TRIP12: variants seen among roughly 807,000 people sequenced by gnomAD.
The protein encoded by TRIP12 is E3 ubiquitin-protein ligase TRIP12.
Under a neutral mutation model 244.2 loss-of-function variants are expected in TRIP12, and 25 were observed. The observed-to-expected ratio is 0.10, with a 90% CI of 0.07 to 0.14. The LOEUF is 0.14. TRIP12 is among the 10% of genes least tolerant of loss of function. TRIP12 has a pLI of 1.00. For missense variants in TRIP12, 1,677 were observed against 2,486.4 expected (o/e 0.67, Z 6.92); for synonymous variants, 905 against 873.1 (o/e 1.04, Z -0.64).
intron 1 of TRIP12, among the ~76,000 whole-genome samples, chr2:229,920,743 T>C (rs2076361991): frequency 1.3e-5 from 2 of 151,984 alleles, no homozygotes; most frequent in South Asian, 4.1e-4. Context: ...TTTTTATGTT[T>C]TTCCGCATTT....
chr2:229,899,265 A>G (rs1487783990), intron 1 of TRIP12, among the ~76,000 whole-genome samples: 1 of 152,210 alleles, frequency 6.6e-6, no homozygotes, highest in Non-Finnish European at 1.5e-5. Flanking sequence ...TCACTTTTTC[A>G]GCCACAGGGA....
intron 6 of TRIP12, among the ~76,000 whole-genome samples, chr2:229,834,473 T>C (rs888711555): frequency 9.2e-5 from 14 of 152,190 alleles, no homozygotes; most frequent in East Asian, 3.9e-4. Context: ...TACGAATGCA[T>C]AGCAGACCAG....
chr2:229,912,033 A>G (rs1002540814), intron 1 of TRIP12, among the ~76,000 whole-genome samples: 8 of 152,240 alleles, frequency 5.3e-5, no homozygotes, highest in African/African-American at 1.9e-4. Flanking sequence ...ATCAAAAAGT[A>G]TTTTGAATTA....
chr2:229,774,379 C>A (rs2035551156), intron 37 of TRIP12, 118 bp from the exon 38 acceptor site: 1 of 968,806 alleles, frequency 1.0e-6, no homozygotes, highest in Non-Finnish European at 1.5e-6. Flanking sequence ...ATGGGTTCAA[C>A]TCTTAGCCTC....
At chr2:229,777,580 A>C (rs764027169) in intron 36 of TRIP12, 101 bp from the exon 37 acceptor site, 18 of 1,182,280 alleles carry the variant, frequency 1.5e-5, no homozygotes, top group Non-Finnish European at 2.2e-5. Context: ...TAATAGGTCA[A>C]GTAATCCCCA....
At position 229,778,937 on chromosome 2, in the gene TRIP12, T is replaced by C. The variant is rs1230477971; in HGVS notation, c.5148A>G (p.Glu1716=). ...AAAGACCCAAGTCAGCTCTCTGTAG[T>C]TCCTGAGATACAAGCGCATAAAACT... is the stretch of plus-strand genomic sequence containing the variant. ...TLEFYALVSQ[E]LQRADLGLWR... Residue 1716 remains glutamate, a synonymous_variant, in exon 35 of 42, where the codon GAA becomes GAG. Transcript: ENST00000675903. The surrounding 1 kb of genome is among the most constrained non-coding windows in gnomAD (Gnocchi z 4.1). 1.2e-6 allele frequency: 2 copies of C among 1,613,808 alleles called. No homozygotes were observed. The highest frequency in any genetic ancestry group is 3.3e-5 in the Admixed American group (2 of 59,998).
chr2:229,860,884 C>G (rs552952671), intron 2 of TRIP12, among the ~76,000 whole-genome samples: 1 of 152,078 alleles, frequency 6.6e-6, no homozygotes, highest in South Asian at 2.1e-4. Flanking sequence ...GACTTTAGAT[C>G]TAAACACACT....
chr2:229,789,703 C>G lies in TRIP12; in HGVS notation c.4603G>C (p.Glu1535Gln). 6.2e-7 allele frequency: 1 copy of G among 1,614,048 alleles called. No individual in the cohort carries two copies. The highest frequency in any genetic ancestry group is 1.7e-5 in the Admixed American group (1 of 60,012). ...LEVYLIPTPP[E>Q]NITFEDPSLD... ...GACGGGTCTTCAAATGTTATATTTT[C>G]AGGTGGTGTGGGAATGAGGTAAACT... The change falls in exon 31 of 42, where the codon GAA becomes CAA. Residue 1535 changes from glutamate (E) to glutamine (Q), a missense_variant. By Grantham distance (29) the Glu-to-Gln change is conservative (BLOSUM62 2). Coordinates refer to ENST00000675903, the MANE Select transcript of TRIP12 (RefSeq NM_001348323.3).
At chr2:229,797,570 G>T in intron 24 of TRIP12, 120 bp downstream of exon 24, 1 of 1,251,656 alleles carries the variant, frequency 8.0e-7, no homozygotes, top group Non-Finnish European at 1.1e-6. Context: ...TGTATATAAG[G>T]TAAAAGTCGA....
intron 1 of TRIP12, among the ~76,000 whole-genome samples, chr2:229,917,779 T>G (rs942184703): frequency 2.0e-5 from 3 of 152,112 alleles, no homozygotes. Flanking sequence ...TAACTTCAAA[T>G]CTCTGGGTTC....
intron 1 of TRIP12, among the ~76,000 whole-genome samples, chr2:229,894,890 T>G (rs2068369500): frequency 1.3e-5 from 2 of 152,204 alleles, no homozygotes; most frequent in Non-Finnish European, 2.9e-5. Context: ...AGAACCATAC[T>G]TTGGGTAGCA....
rs889558426 is a variant in TRIP12, at chr2:229,766,535, C to A, written c.*1019G>T. On this transcript the variant is annotated 3_prime_UTR_variant, in exon 42 of 42. Coordinates refer to ENST00000675903, the MANE Select transcript of TRIP12 (RefSeq NM_001348323.3). ...GCTGAACTGTTTTGTCCCAAGTCAG[C>A]ACTGGGAGAAGGGGAAGAGGAGCGT... The A allele has an allele frequency of 1.3e-5, 2 of 152,026 alleles. No individual in the cohort carries two copies. Among genetic ancestry groups the A allele is most frequent in the African/African-American group, 4.8e-5 (2 of 41,386 alleles). The allele number at this position is 152,026 out of a possible 1,614,324, so 9.4% of individuals were successfully genotyped here. A position where few individuals can be genotyped will look rare whatever the true frequency, so the allele number is the denominator to read the frequency against.
At chr2:229,867,171 G>GTTTTTTTTTT (rs11335613) in intron 2 of TRIP12, among the ~76,000 whole-genome samples, 10 of 123,534 alleles carry the variant, frequency 8.1e-5, no homozygotes, top group Non-Finnish European at 1.2e-4. Flanking sequence ...TTGTTTGTTT[G>GTTTTTTTTTT]TTTTTTTTTT....
At chr2:229,801,706 GATAA>G (rs1288730964) in intron 21 of TRIP12, among the ~76,000 whole-genome samples, 2 of 152,198 alleles carry the variant, frequency 1.3e-5, no homozygotes, top group African/African-American at 2.4e-5. Flanking sequence ...ATTAAAAGCT[GATAA>G]ATAAATGGGA....
chr2:229,877,554 T>G (rs184142522), intron 2 of TRIP12, among the ~76,000 whole-genome samples: 43 of 152,230 alleles, frequency 2.8e-4, no homozygotes, highest in Non-Finnish European at 5.6e-4. Flanking sequence ...TAAAAAAAAT[T>G]TTTTAATCTA....
At chr2:229,859,671 A>G in intron 3 of TRIP12, 97 bp from the exon 4 acceptor site, 1 of 1,334,100 alleles carries the variant, frequency 7.5e-7, no homozygotes, top group Non-Finnish European at 1.0e-6. Flanking sequence ...ATATGTTCCT[A>G]CTAAGTCCAG....
intron 1 of TRIP12, among the ~76,000 whole-genome samples, chr2:229,912,593 C>G (rs942041770): frequency 6.6e-6 from 1 of 152,074 alleles, no homozygotes; most frequent in Non-Finnish European, 1.5e-5. Context: ...CCAGTTTAAG[C>G]CCCTCTCTCT....
intron 37 of TRIP12, 140 bp downstream of exon 37, chr2:229,777,175 T>C (rs1254955224): frequency 5.4e-6 from 5 of 923,144 alleles, no homozygotes; most frequent in Non-Finnish European, 7.9e-6. Context: ...TCATATGTCT[T>C]AGTTAGTACA....
At chr2:229,780,664 G>A (rs2037830026) in intron 34 of TRIP12, among the ~76,000 whole-genome samples, 1 of 152,164 alleles carries the variant, frequency 6.6e-6, no homozygotes, top group South Asian at 2.1e-4. Context: ...TTGTGCTAGA[G>A]ATACTCTTCC....
Sources: allele counts gnomAD v4.1 joint callset (sites outside exome capture counted in the v4.1 genomes callset), GRCh38; gene constraint gnomAD v4.1.1; non-coding constraint Gnocchi (gnomAD v3.1); transcripts MANE v1.5; gene names NCBI Gene and HGNC (gene_info 2026-07-23, HGNC 2026-07-21).